The following MICU1 variants were observed in gnomAD, a reference collection of about 807,000 sequenced individuals.
The protein encoded by MICU1 is mitochondrial calcium uptake 1, also known as calcium uptake protein 1, mitochondrial.
In MICU1, 45 loss-of-function variants were observed where a neutral mutation model predicts 56.8. That is an observed-to-expected ratio of 0.79 (90% CI 0.62 to 1.02). The LOEUF is 1.02. Among genes scored for constraint, MICU1 ranks in the 50% least tolerant of loss-of-function variants. The probability of loss-of-function intolerance (pLI) is 0.00; values close to 1 mark genes in which losing one functional copy is unlikely to be tolerated. For missense variants in MICU1, 504 were observed against 587.1 expected, an observed-to-expected ratio of 0.86 and a Z score of 1.46; for synonymous variants, 186 against 195.1, an observed-to-expected ratio of 0.95 and a Z score of 0.39.
At chr10:72,414,161 A>T (rs1400732877) in intron 9 of MICU1, among the ~76,000 whole-genome samples, 1 of 152,208 alleles carries the variant, frequency 6.6e-6, no homozygotes, top group African/African-American at 2.4e-5. Flanking sequence ...CTGCAGGAGG[A>T]CTTGTACGCA....
chr10:72,400,695 A>G (rs1458004369), intron 10 of MICU1, among the ~76,000 whole-genome samples: 1 of 152,064 alleles, frequency 6.6e-6, no homozygotes, highest in Non-Finnish European at 1.5e-5. Flanking sequence ...GCAGTGAGCC[A>G]AGATCATGCC....
At chr10:72,556,361 A>G (rs890252685) in intron 3 of MICU1, among the ~76,000 whole-genome samples, 1 of 152,036 alleles carries the variant, frequency 6.6e-6, no homozygotes, top group Non-Finnish European at 1.5e-5. Flanking sequence ...TTCTTTTGAG[A>G]CAGAGTTTCA....
intron 6 of MICU1, among the ~76,000 whole-genome samples, chr10:72,491,765 C>G (rs1866662360): frequency 6.6e-6 from 1 of 151,932 alleles, no homozygotes; most frequent in Non-Finnish European, 1.5e-5. Flanking sequence ...CACTATGTTT[C>G]TTCATTATAA....
At chr10:72,565,546 G>T (rs1840409710) in intron 2 of MICU1, among the ~76,000 whole-genome samples, 1 of 151,540 alleles carries the variant, frequency 6.6e-6, no homozygotes, top group Non-Finnish European at 1.5e-5. Flanking sequence ...GTTAAATGAT[G>T]AGTTACTAGG....
At chr10:72,612,682 T>A (rs1218004879) in intron 1 of MICU1, among the ~76,000 whole-genome samples, 1 of 152,044 alleles carries the variant, frequency 6.6e-6, no homozygotes, top group Non-Finnish European at 1.5e-5. Flanking sequence ...ATGCATGTAG[T>A]CATAGCTATT....
At chr10:72,584,972 G>GA (rs1841006759) in intron 1 of MICU1, among the ~76,000 whole-genome samples, 1 of 152,126 alleles carries the variant, frequency 6.6e-6, no homozygotes. Context: ...CTTGCACAAG[G>GA]AAAAGGTCAG....
rs145196244 is a variant in MICU1 at position 72,515,285 on chromosome 10, A to G, written c.538-7016T>C. ...CTGGTTGTTTTAAGTCTTTCGTTAG[A>G]TTCTAGAGATCTGAACAAGTTGACT... On this transcript the variant is annotated intron_variant, in intron 5 of 11. Coordinates refer to ENST00000361114, the MANE Select transcript of MICU1 (RefSeq NM_001195518.2). Among the ~76,000 whole-genome samples, 24 of 152,280 alleles carry G rather than the reference A, an allele frequency of 1.6e-4. No homozygotes were observed. In the East Asian group the frequency reaches 4.2e-3, roughly 27 times the overall value.
intron 5 of MICU1, chr10:72,524,007 G>A (rs1867898079): frequency 8.0e-7 from 1 of 1,255,656 alleles, no homozygotes; most frequent in Non-Finnish European, 1.0e-6. Context: ...CTGCTTATTT[G>A]TATTTATTAT....
At chr10:72,420,818 T>C (rs1387100689) in intron 9 of MICU1, among the ~76,000 whole-genome samples, 1 of 151,628 alleles carries the variant, frequency 6.6e-6, no homozygotes, top group East Asian at 1.9e-4. Context: ...TGCGACTACA[T>C]GCACGTGCCA....
chr10:72,512,156 G>A (rs1589294053), intron 5 of MICU1, among the ~76,000 whole-genome samples: 1 of 125,832 alleles, frequency 7.9e-6, no homozygotes, highest in Non-Finnish European at 1.6e-5. Context: ...TTTGTCGCCA[G>A]GCTGGAGTAC....
At chr10:72,606,773 AT>A (rs1414454618) in intron 1 of MICU1, among the ~76,000 whole-genome samples, 1 of 152,056 alleles carries the variant, frequency 6.6e-6, no homozygotes, top group Non-Finnish European at 1.5e-5. Context: ...CAACCATGTG[AT>A]TAGAAAGTTG....
rs1323602922 is a variant in MICU1 at position 72,508,305 on chromosome 10, T to A, written c.538-36A>T. ...TATGGGTCCCACCAAAAGACAAAAA[T>A]ATATAAGTGAATTAGAATATAAATA... is the stretch of plus-strand genomic sequence containing the variant. On this transcript the variant is annotated intron_variant, in intron 5 of 11. Transcript: ENST00000361114. The A allele has an allele frequency of 4.6e-6, 4 of 865,700 alleles. No individual in the cohort carries two copies. The Admixed American group carries it at 7.2e-5, about 15-fold the overall frequency. 53.6% of individuals were successfully genotyped at this position (865,700 alleles called of 1,614,324 possible). A position where few individuals can be genotyped will look rare whatever the true frequency, so the allele number is the denominator to read the frequency against.
At chr10:72,607,068 C>T (rs988123636) in intron 1 of MICU1, among the ~76,000 whole-genome samples, 5 of 152,090 alleles carry the variant, frequency 3.3e-5, no homozygotes, top group African/African-American at 9.7e-5. Flanking sequence ...AGGCCAGTCA[C>T]GGTGGCTCAC....
At chr10:72,548,858 A>G (rs1839960061) in intron 4 of MICU1, among the ~76,000 whole-genome samples, 1 of 152,044 alleles carries the variant, frequency 6.6e-6, no homozygotes, top group African/African-American at 2.4e-5. Flanking sequence ...CACCACACCC[A>G]GCTAATTTTT....
rs190512893 is a variant in MICU1, at chr10:72,507,511, G to A, written c.652+644C>T. ...AAGCCAATTTTCTTCTTTAGTGGAG[G>A]AAATGATAGATCAAAATATGTGTTA... is the stretch of plus-strand genomic sequence containing the variant. On this transcript the variant is annotated intron_variant, in intron 6 of 11. Transcript: ENST00000361114. 3.8e-4 allele frequency among the ~76,000 whole-genome samples: 58 copies of A among 152,292 alleles called. 1 individual carries two copies. The highest frequency in any genetic ancestry group is 1.3e-3 in the African/African-American group (55 of 41,576).
intron 1 of MICU1, among the ~76,000 whole-genome samples, chr10:72,576,225 CAAAAAAAA>C (rs34829939): frequency 1.5e-5 from 1 of 68,212 alleles, no homozygotes; most frequent in Non-Finnish European, 2.6e-5. Context: ...AAAAAAACAC[CAAAAAAAA>C]AAAAAAAAAA....
At chr10:72,443,214 GTTGT>G (rs1461702069) in intron 8 of MICU1, among the ~76,000 whole-genome samples, 4 of 152,130 alleles carry the variant, frequency 2.6e-5, no homozygotes, top group Non-Finnish European at 4.4e-5. Flanking sequence ...TTTTGATGGG[GTTGT>G]TTGTTTTTTC....
chr10:72,562,247 G>A (rs538104235), intron 3 of MICU1, among the ~76,000 whole-genome samples: 4 of 130,436 alleles, frequency 3.1e-5, no homozygotes, highest in South Asian at 2.5e-4. Flanking sequence ...TCCACCTCCC[G>A]GGTTCAAGCA....
intron 10 of MICU1, among the ~76,000 whole-genome samples, chr10:72,380,478 G>T (rs1412555037): frequency 6.6e-6 from 1 of 152,158 alleles, no homozygotes; most frequent in Non-Finnish European, 1.5e-5. Context: ...TCTCCAGCAT[G>T]ATTCATGACT....
Sources: gnomAD v4.1 joint callset for allele counts (sites outside exome capture counted in the v4.1 genomes callset) on GRCh38, gnomAD v4.1.1 for gene constraint, MANE v1.5 for transcripts, NCBI Gene and HGNC (gene_info 2026-07-23, HGNC 2026-07-21) for gene names.